The following ERG variants were observed in gnomAD, a reference collection of about 807,000 sequenced individuals.
The protein encoded by ERG is ETS transcription factor ERG, also known as transcriptional regulator ERG.
In ERG, 9 loss-of-function variants were observed where a neutral mutation model predicts 55.3. The observed-to-expected ratio is 0.16, with a 90% confidence interval of 0.10 to 0.28. ERG has a LOEUF of 0.28. ERG is among the 10% of genes least tolerant of loss of function. ERG has a pLI of 1.00. For missense variants in ERG, 434 were observed against 631.6 expected (o/e 0.69, Z 3.35); for synonymous variants, 223 against 237.3 (o/e 0.94, Z 0.55).
chr21:38,444,791 G>A (rs1312044213), intron 2 of ERG, among the ~76,000 whole-genome samples: 1 of 151,826 alleles, frequency 6.6e-6, no homozygotes, highest in African/African-American at 2.4e-5. Context: ...AGGGTGGGGT[G>A]AGGGTGGAGG....
intron 4 of ERG, 53 bp from the exon 5 acceptor site, chr21:38,402,690 A>G (rs1193614998): frequency 2.1e-6 from 2 of 943,500 alleles, no homozygotes; most frequent in Non-Finnish European, 3.1e-6. Context: ...AGAGAGAGAG[A>G]GAAAGAGAAT....
intron 2 of ERG, among the ~76,000 whole-genome samples, chr21:38,537,446 A>G (rs1468358631): frequency 7.0e-6 from 1 of 142,198 alleles, no homozygotes; most frequent in African/African-American, 2.7e-5. Flanking sequence ...AAAAAAATAT[A>G]TATATATATG....
intron 4 of ERG, 107 bp downstream of exon 4, chr21:38,403,399 G>A: frequency 9.2e-7 from 1 of 1,090,190 alleles, no homozygotes. Flanking sequence ...GTGGGAACTG[G>A]GCGAGGGCAG....
intron 1 of ERG, among the ~76,000 whole-genome samples, chr21:38,455,150 G>A (rs1313627564): frequency 1.4e-5 from 2 of 148,118 alleles, no homozygotes; most frequent in Non-Finnish European, 3.0e-5. Flanking sequence ...AATAGCACAA[G>A]GCACAAAGTT....
chr21:38,655,727 G>A (rs2060515101), intron 1 of ERG, among the ~76,000 whole-genome samples: 2 of 152,154 alleles, frequency 1.3e-5, no homozygotes, highest in South Asian at 2.1e-4. Context: ...AAACTGTCAT[G>A]GTTTTAAGAA....
chr21:38,631,190 T>A (rs958272378), intron 1 of ERG, among the ~76,000 whole-genome samples: 1 of 152,170 alleles, frequency 6.6e-6, no homozygotes, highest in Non-Finnish European at 1.5e-5. Flanking sequence ...TCGGACTGCA[T>A]CTTGCCCTTG....
At chr21:38,520,057 G>C (rs904193452) in intron 2 of ERG, among the ~76,000 whole-genome samples, 3 of 151,988 alleles carry the variant, frequency 2.0e-5, no homozygotes, top group Non-Finnish European at 4.4e-5. Context: ...AAACTTCCAG[G>C]GTTACTTTTC....
chr21:38,507,976 G>GCCCAC, intron 2 of ERG, among the ~76,000 whole-genome samples: 1 of 510 alleles, frequency 2.0e-3, no homozygotes, highest in Non-Finnish European at 3.9e-3. Context: ...CACACACACA[G>GCCCAC]AGACACACAG....
At chr21:38,504,451 A>C (rs535713493) in intron 2 of ERG, among the ~76,000 whole-genome samples, 14 of 152,238 alleles carry the variant, frequency 9.2e-5, no homozygotes, top group Non-Finnish European at 1.9e-4. Flanking sequence ...TTAAGAAAGA[A>C]ACCTAAGAGG....
intron 1 of ERG, among the ~76,000 whole-genome samples, chr21:38,469,742 A>G (rs1437044770): frequency 1.3e-5 from 2 of 152,192 alleles, no homozygotes; most frequent in Non-Finnish European, 2.9e-5. Context: ...ACAAATTCAC[A>G]GGTTTATTGT....
intron 2 of ERG, among the ~76,000 whole-genome samples, chr21:38,522,251 A>G (rs574207886): frequency 6.6e-6 from 1 of 151,962 alleles, no homozygotes; most frequent in African/African-American, 2.4e-5. Context: ...AAGATATAAA[A>G]TGAGATTTGT....
chr21:38,541,819 C>G (rs1048660213), intron 2 of ERG, among the ~76,000 whole-genome samples: 2 of 152,134 alleles, frequency 1.3e-5, no homozygotes, highest in African/African-American at 2.4e-5. Context: ...GGCCTAATAT[C>G]TAGGTGATGG....
chr21:38,569,730 A>C (rs774527789), intron 2 of ERG, among the ~76,000 whole-genome samples: 1 of 152,088 alleles, frequency 6.6e-6, no homozygotes, highest in Non-Finnish European at 1.5e-5. Flanking sequence ...AGGTAATTCC[A>C]ATGCTGAGTT....
chr21:38,452,355 A>G, intron 1 of ERG, among the ~76,000 whole-genome samples: 1 of 152,236 alleles, frequency 6.6e-6, no homozygotes, highest in Admixed American at 6.5e-5. Flanking sequence ...ACACATATAT[A>G]CAGATACGCA....
chr21:38,451,034 C>A, intron 1 of ERG: 1 of 431,892 alleles, frequency 2.3e-6, no homozygotes, highest in Non-Finnish European at 4.6e-6. Context: ...CTGGCTGTTA[C>A]TGGAAGGAAG....
the ERG span, among the ~76,000 whole-genome samples, chr21:38,369,387 C>A: frequency 6.6e-6 from 1 of 152,100 alleles, no homozygotes; most frequent in African/African-American, 2.4e-5. Context: ...GCTGTTTTTT[C>A]AAATAATTGT....
chr21:38,590,304 A>G (rs1239206962), intron 1 of ERG, among the ~76,000 whole-genome samples: 2 of 152,194 alleles, frequency 1.3e-5, no homozygotes, highest in African/African-American at 4.8e-5. Flanking sequence ...ATGGGCACTT[A>G]GCATTTCAGT....
At chr21:38,573,577 C>A (rs915163188) in intron 2 of ERG, among the ~76,000 whole-genome samples, 1 of 152,156 alleles carries the variant, frequency 6.6e-6, no homozygotes, top group East Asian at 1.9e-4. Context: ...AGGCATAGTA[C>A]CTTCCCTTGA....
chr21:38,649,491 T>G (rs909448262), intron 1 of ERG, among the ~76,000 whole-genome samples: 2 of 152,222 alleles, frequency 1.3e-5, no homozygotes, highest in African/African-American at 4.8e-5. Context: ...TGGTCTCGTA[T>G]TCATTGTGTG....
Sources: allele counts gnomAD v4.1 joint callset (sites outside exome capture counted in the v4.1 genomes callset), GRCh38; gene constraint gnomAD v4.1.1; transcripts MANE v1.5; gene names NCBI Gene and HGNC (gene_info 2026-07-23, HGNC 2026-07-21).